Variants in TNFRSF4 observed in about 807,000 individuals in gnomAD.
TNFRSF4 encodes tumor necrosis factor receptor superfamily member 4.
A neutral mutation model predicts 29.5 loss-of-function variants in TNFRSF4; 21 were observed. That is an observed-to-expected ratio of 0.71 (90% CI 0.51 to 1.03). The LOEUF is 1.03. Among genes scored for constraint, TNFRSF4 ranks in the 50% least tolerant of loss-of-function variants. The probability of loss-of-function intolerance (pLI) is 0.00; values close to 1 mark genes in which losing one functional copy is unlikely to be tolerated. For synonymous variants in TNFRSF4, 197 were observed against 172.7 expected (o/e 1.14, Z -1.10); for missense variants, 408 against 387.8 (o/e 1.05, Z -0.44).
At position 1,213,794 on chromosome 1, in the gene TNFRSF4, G is replaced by C; in HGVS notation, c.146-9C>G. 2 of 1,591,486 alleles carry C rather than the reference G, an allele frequency of 1.3e-6. No homozygotes were observed. Among genetic ancestry groups the C allele is most frequent in the South Asian group, 2.3e-5 (2 of 87,876 alleles). On this transcript the variant is annotated splice_polypyrimidine_tract_variant and intron_variant, in intron 1 of 6. Transcript: ENST00000379236. Reference sequence around the variant, plus strand: ...GCTCACCATCCCGTTGCCTGCAGCAGAGGCCGGCGTCAGGCAGCGGTCAGG... The same window carrying C: ...GCTCACCATCCCGTTGCCTGCAGCACAGGCCGGCGTCAGGCAGCGGTCAGG...
intron 2 of TNFRSF4, 126 bp downstream of exon 2, chr1:1,213,537 A>G (rs1277293560): frequency 6.8e-7 from 1 of 1,468,172 alleles, no homozygotes; most frequent in Non-Finnish European, 9.0e-7. Flanking sequence ...GTGGCGGAGC[A>G]GACCCCGCTG....
chr1:1,211,820 GC>G lies in TNFRSF4; in HGVS notation c.646del (p.Ala216ProfsTer?). On this transcript the variant is annotated frameshift_variant, in exon 6 of 7. Transcript: ENST00000379236. LOFTEE classifies it high-confidence loss of function. ...PVEVPGGRAV[A>X]AILGLGLVLG... ...CACCAGGCCCAGGCCCAGGATGGCG[GC>G]AACCGCACGGCCTGCAGGAAGGGGT... 1 of 1,548,962 alleles carries G rather than the reference GC, an allele frequency of 6.5e-7. No homozygotes were observed. Among genetic ancestry groups the G allele is most frequent in the Non-Finnish European group, 8.7e-7 (1 of 1,151,330 alleles).
chr1:1,212,723 G>A lies in TNFRSF4; in HGVS notation c.371-19C>T. On this transcript the variant is annotated intron_variant, in intron 3 of 6. Transcript: ENST00000379236. The stretch of plus-strand genomic sequence containing the variant: ...GCACAGTCTGCAACAAAGATAGGGT[G>A]GTCAGGGGCTGCCCACAGGCCCCGG... The A allele has an allele frequency of 6.5e-7, 1 of 1,536,832 alleles. No individual in the cohort carries two copies. The highest frequency in any genetic ancestry group is 8.7e-7 in the Non-Finnish European group (1 of 1,142,994).
At position 1,211,415 on chromosome 1, in the gene TNFRSF4, G is replaced by A. The variant is rs565218535; in HGVS notation, c.*140C>T. ...TGGCATACGTAAGCAGAGAGCCGGA[G>A]GCAGCCATCGGCACCTAGAACGGTG... On this transcript the variant is annotated 3_prime_UTR_variant, in exon 7 of 7. Transcript: ENST00000379236. The A allele has an allele frequency of 3.9e-5, 30 of 774,176 alleles. No homozygotes were observed. In the East Asian group the frequency reaches 9.7e-4, roughly 25 times the overall value. The allele number at this position is 774,176 out of a possible 1,614,324, so 48.0% of individuals were successfully genotyped here.
rs770406348 is a variant in TNFRSF4 at position 1,213,044 on chromosome 1, G to C, written c.318C>G (p.Val106=). The change falls in exon 3 of 7, where the codon GTC becomes GTG. Residue 106 remains valine, a synonymous_variant. Transcript: ENST00000379236. ...KQLCTATQDT[V]CRCRAGTQPL... ...GCTGGGTGCCCGCCCGGCAGCGGCA[G>C]ACTGTGTCCTGTGTGGCCGTGCACA... 1.2e-6 allele frequency: 2 copies of C among 1,611,524 alleles called. No homozygotes were observed. Among genetic ancestry groups the C allele is most frequent in the African/African-American group, 2.7e-5 (2 of 74,932 alleles).
chr1:1,213,024 G>C lies in TNFRSF4; in HGVS notation c.338C>G (p.Thr113Ser), dbSNP rs764954719. ...QDTVCRCRAGTQPLDSYKPGV... is the reference protein window; with the variant it reads ...QDTVCRCRAGSQPLDSYKPGV... ...AGGCTTGTAGCTGTCCAGGGGCTGGGTGCCCGCCCGGCAGCGGCAGACTGT... is the reference window on the plus strand; with the variant it reads ...AGGCTTGTAGCTGTCCAGGGGCTGGCTGCCCGCCCGGCAGCGGCAGACTGT... Residue 113 changes from threonine to serine, a missense_variant, in exon 3 of 7, where the codon ACC (threonine) becomes AGC (serine). Transcript: ENST00000379236. 1 of 1,611,712 alleles carries C rather than the reference G, an allele frequency of 6.2e-7. No homozygotes were observed. Among genetic ancestry groups the C allele is most frequent in the African/African-American group, 1.3e-5 (1 of 75,036 alleles).
In TNFRSF4 at chr1:1,211,580, G is replaced by T. The variant is rs1649102314; in HGVS notation, c.809C>A (p.Ala270Asp). The change falls in exon 7 of 7, where the codon GCC (alanine) becomes GAC (aspartate). Residue 270 changes from alanine (A) to aspartate (D), a missense_variant. Coordinates refer to ENST00000379236, the MANE Select transcript of TNFRSF4 (RefSeq NM_003327.4). ...RTPIQEEQAD[A>D]HSTLAKI The stretch of plus-strand genomic sequence containing the variant: ...TCAGATCTTGGCCAGGGTGGAGTGG[G>T]CGTCGGCCTGCTCCTCTTGGATGGG... 6.6e-7 allele frequency: 1 copy of T among 1,516,634 alleles called. No individual in the cohort carries two copies. Among genetic ancestry groups the T allele is most frequent in the Admixed American group, 2.2e-5 (1 of 44,576 alleles). 93.9% of individuals were successfully genotyped at this position (1,516,634 alleles called of 1,614,324 possible). A position where few individuals can be genotyped will look rare whatever the true frequency, so the allele number is the denominator to read the frequency against.
intron 4 of TNFRSF4, among the ~76,000 whole-genome samples, chr1:1,212,437 G>A (rs1301647402): frequency 6.6e-6 from 1 of 151,524 alleles, no homozygotes; most frequent in African/African-American, 2.4e-5. Context: ...GGGAAAGGCT[G>A]CCCCCAGGCA....
chr1:1,212,217 C>A, intron 4 of TNFRSF4, 79 bp from the exon 5 acceptor site: 2 of 1,486,474 alleles, frequency 1.3e-6, no homozygotes, highest in Non-Finnish European at 1.8e-6. Flanking sequence ...ACAGGGTCCA[C>A]GCTGGCCAGC....
Position 1,213,785 on chromosome 1 carries a change from C to T in TNFRSF4, c.146G>A (p.Gly49Asp). ...NDRCCHECRP[G>D]NGMVSRCSRS... ...GCTGCAGCGGCTCACCATCCCGTTGCCTGCAGCAGAGGCCGGCGTCAGGCA... is the reference window on the plus strand; with the variant it reads ...GCTGCAGCGGCTCACCATCCCGTTGTCTGCAGCAGAGGCCGGCGTCAGGCA... Residue 49 changes from glycine to aspartate, a missense_variant and splice_region_variant, in exon 2 of 7, where the codon GGC (glycine) becomes GAC (aspartate). Transcript: ENST00000379236. The T allele has an allele frequency of 1.9e-6, 3 of 1,596,784 alleles. No homozygotes were observed. The highest frequency in any genetic ancestry group is 2.6e-6 in the Non-Finnish European group (3 of 1,173,758).
rs191704944 is a variant in TNFRSF4 at position 1,212,028 on chromosome 1, G to C, written c.548C>G (p.Pro183Arg). The C allele has an allele frequency of 5.6e-6, 9 of 1,610,270 alleles. No individual in the cohort carries two copies. The highest frequency in any genetic ancestry group is 5.3e-5 in the African/African-American group (4 of 74,910). ...GGGCTGGACAGTGATGGGCCTGGCC[G>C]GGGGGCCCTGGGTCTCCTGGGGCTG... ...ATQPQETQGP[P>R]ARPITVQPTE... is the part of the protein sequence containing the mutation. Residue 183 changes from proline to arginine, a missense_variant, in exon 5 of 7, where the codon CCG becomes CGG. Transcript: ENST00000379236.
intron 3 of TNFRSF4, 61 bp from the exon 4 acceptor site, chr1:1,212,765 G>T: frequency 7.1e-7 from 1 of 1,414,348 alleles, no homozygotes; most frequent in Non-Finnish European, 9.5e-7. Context: ...GGGACATGGG[G>T]CAGAGCCTGT....
chr1:1,212,470 G>C (rs1405567315), intron 4 of TNFRSF4, among the ~76,000 whole-genome samples, 168 bp downstream of exon 4: 2 of 151,436 alleles, frequency 1.3e-5, no homozygotes, highest in Non-Finnish European at 2.9e-5. Context: ...TCCCCAACCA[G>C]GTCCAGCCAC....
At chr1:1,212,498 GCCACCAGCA>G (rs1225296788) in intron 4 of TNFRSF4, 131 bp downstream of exon 4, 127 of 674,012 alleles carry the variant, frequency 1.9e-4, no homozygotes, top group Non-Finnish European at 2.5e-4. Context: ...GGCCCCCAGG[GCCACCAGCA>G]CCTCCCCTTC....
At position 1,212,040 on chromosome 1, in the gene TNFRSF4, G is replaced by C; in HGVS notation, c.536C>G (p.Thr179Ser). 6.2e-7 allele frequency: 1 copy of C among 1,611,570 alleles called. No homozygotes were observed. The highest frequency in any genetic ancestry group is 8.5e-7 in the Non-Finnish European group (1 of 1,179,318). ...GATGGGCCTGGCCGGGGGGCCCTGG[G>C]TCTCCTGGGGCTGCGTGGCTGGGGG... ...RDPPATQPQE[T>S]QGPPARPITV... The change falls in exon 5 of 7, where the codon ACC (threonine) becomes AGC (serine). Residue 179 changes from threonine to serine, a missense_variant. Thr to Ser is a moderately conservative substitution (Grantham distance 58, BLOSUM62 1). Coordinates refer to ENST00000379236, the MANE Select transcript of TNFRSF4 (RefSeq NM_003327.4).
intron 4 of TNFRSF4, 58 bp from the exon 5 acceptor site, chr1:1,212,196 C>A: frequency 6.3e-7 from 1 of 1,582,188 alleles, no homozygotes; most frequent in South Asian, 1.1e-5. Flanking sequence ...CCGGGAGATG[C>A]GGTGGGGATA....
In TNFRSF4 at chr1:1,212,715, G is replaced by T; in HGVS notation, c.371-11C>A. The T allele has an allele frequency of 6.5e-7, 1 of 1,544,634 alleles. No homozygotes were observed. Among genetic ancestry groups the T allele is most frequent in the East Asian group, 2.4e-5 (1 of 41,026 alleles). On this transcript the variant is annotated splice_polypyrimidine_tract_variant and intron_variant, in intron 3 of 6. Transcript: ENST00000379236. ...GGCAGGGGGCACAGTCTGCAACAAAGATAGGGTGGTCAGGGGCTGCCCACA... is the reference window on the plus strand; with the variant it reads ...GGCAGGGGGCACAGTCTGCAACAAATATAGGGTGGTCAGGGGCTGCCCACA...
chr1:1,213,677 GTGCAGGGCT>G lies in TNFRSF4; in HGVS notation c.245_253del (p.Lys82_Cys84del), dbSNP rs1649314672. 1.9e-6 allele frequency: 3 copies of G among 1,593,576 alleles called. No individual in the cohort carries two copies. The highest frequency in any genetic ancestry group is 2.6e-6 in the Non-Finnish European group (3 of 1,171,032). ...TGGGAGCTCACTGAGGTTACACCACGTGCAGGGCTTGCACGGCTTGGAGCTGACCACGTC... is the reference window on the plus strand; with the variant it reads ...TGGGAGCTCACTGAGGTTACACCACGTGCACGGCTTGGAGCTGACCACGTC... On this transcript the variant is annotated inframe_deletion, in exon 2 of 7. Coordinates refer to ENST00000379236, the MANE Select transcript of TNFRSF4 (RefSeq NM_003327.4).
rs894359131 is a variant in TNFRSF4, at chr1:1,211,385, A to G, written c.*170T>C. On this transcript the variant is annotated 3_prime_UTR_variant, in exon 7 of 7. Transcript: ENST00000379236. ...ATTGTGGTCCCGCGGGGCAGGAGGT[A>G]TGCATGGCATACGTAAGCAGAGAGC... 1.1e-5 allele frequency: 6 copies of G among 561,166 alleles called. No homozygotes were observed. Among genetic ancestry groups the G allele is most frequent in the Non-Finnish European group, 1.2e-5 (4 of 345,200 alleles). The allele number at this position is 561,166 out of a possible 1,614,324, so 34.8% of individuals were successfully genotyped here. A position where few individuals can be genotyped will look rare whatever the true frequency, so the allele number is the denominator to read the frequency against.
Sources: allele counts gnomAD v4.1 joint callset (sites outside exome capture counted in the v4.1 genomes callset), GRCh38; gene constraint gnomAD v4.1.1; transcripts MANE v1.5; gene names NCBI Gene and HGNC (gene_info 2026-07-23, HGNC 2026-07-21).